Variants in ATP6V0D2 observed in about 807,000 individuals in gnomAD.
The protein encoded by ATP6V0D2 is ATPase H+ transporting V0 subunit d2.
Under a neutral mutation model 40.0 loss-of-function variants are expected in ATP6V0D2, and 40 were observed. That is an observed-to-expected ratio of 1.00 (90% CI 0.78 to 1.30). The LOEUF is 1.30. ATP6V0D2 is among the 50% of genes most tolerant of loss of function. The pLI is 0.00. For missense variants in ATP6V0D2, 470 were observed against 423.1 expected, an observed-to-expected ratio of 1.11 and a Z score of -0.97; for synonymous variants, 179 against 156.3, an observed-to-expected ratio of 1.15 and a Z score of -1.08.
At chr8:86,120,594 C>T (rs1818656641) in intron 2 of ATP6V0D2, among the ~76,000 whole-genome samples, 1 of 152,098 alleles carries the variant, frequency 6.6e-6, no homozygotes, top group Non-Finnish European at 1.5e-5. Context: ...GTCAAGGCTG[C>T]ATTCTTCCAT....
At chr8:86,133,453 GC>G (rs1818854479) in intron 2 of ATP6V0D2, among the ~76,000 whole-genome samples, 1 of 149,472 alleles carries the variant, frequency 6.7e-6, no homozygotes, top group Non-Finnish European at 1.5e-5. Flanking sequence ...CTCCCGAGTA[GC>G]TAGGACTACA....
intron 1 of ATP6V0D2, among the ~76,000 whole-genome samples, chr8:86,105,074 C>G (rs138815620): frequency 6.6e-6 from 1 of 151,936 alleles, no homozygotes; most frequent in East Asian, 1.9e-4. Flanking sequence ...CCTCTGTAAG[C>G]CCCTTCCTAC....
At chr8:86,151,751 C>CTTTTTT (rs1563568384) in intron 7 of ATP6V0D2, among the ~76,000 whole-genome samples, 1 of 89,054 alleles carries the variant, frequency 1.1e-5, no homozygotes, top group Non-Finnish European at 2.4e-5. Flanking sequence ...TGTAGCTTTT[C>CTTTTTT]TTTCTTTTTT....
At chr8:86,135,309 A>C (rs1185596304) in intron 2 of ATP6V0D2, among the ~76,000 whole-genome samples, 1 of 152,194 alleles carries the variant, frequency 6.6e-6, no homozygotes, top group Non-Finnish European at 1.5e-5. Context: ...CATACAGAAA[A>C]TATATTATAG....
Position 86,141,430 on chromosome 8 carries a change from A to G in ATP6V0D2, c.482-20A>G. On this transcript the variant is annotated intron_variant, in intron 3 of 7. Transcript: ENST00000285393. ...TCTTGCTTAAGATTCATTTTTTGGT[A>G]TGGCAATTTCTGCTTTCAGCTCCAT... The G allele has an allele frequency of 6.3e-7, 1 of 1,594,972 alleles. No individual in the cohort carries two copies. The highest frequency in any genetic ancestry group is 8.6e-7 in the Non-Finnish European group (1 of 1,166,964).
At chr8:86,121,578 AAGGAGG>A (rs562798784) in intron 2 of ATP6V0D2, among the ~76,000 whole-genome samples, 8,622 of 107,404 alleles carry the variant, frequency 0.08, 765 homozygotes, top group African/African-American at 0.24. Flanking sequence ...ATTTCAAAAG[AAGGAGG>A]AGGAGGAGGA....
intron 1 of ATP6V0D2, among the ~76,000 whole-genome samples, chr8:86,104,160 T>C (rs868701769): frequency 1.7e-4 from 26 of 152,118 alleles, no homozygotes; most frequent in Admixed American, 3.3e-4. Context: ...TAGCAAAAGA[T>C]GGAAACAAAT....
intron 2 of ATP6V0D2, among the ~76,000 whole-genome samples, chr8:86,123,263 A>T (rs1406640424): frequency 6.6e-6 from 1 of 152,246 alleles, no homozygotes; most frequent in Non-Finnish European, 1.5e-5. Context: ...CATACTTAAA[A>T]ATAAAGTGTC....
chr8:86,152,832 T>G lies in ATP6V0D2; in HGVS notation c.908T>G (p.Leu303Arg). ...TTTCCTCAGGTACAAATGAATGTGCTGGCATTCAACAGACAGTTCCACTAC... is the reference window on the plus strand; with the variant it reads ...TTTCCTCAGGTACAAATGAATGTGCGGGCATTCAACAGACAGTTCCACTAC... ...FYEREVQMNV[L>R]AFNRQFHYGV... Residue 303 changes from leucine to arginine, a missense_variant, in exon 8 of 8, where the codon CTG (leucine) becomes CGG (arginine). Leu to Arg is a moderately radical substitution (Grantham distance 102). Coordinates refer to ENST00000285393, the MANE Select transcript of ATP6V0D2 (RefSeq NM_152565.1). 3 of 1,595,044 alleles carry G rather than the reference T, an allele frequency of 1.9e-6. No individual in the cohort carries two copies. Among genetic ancestry groups the G allele is most frequent in the Non-Finnish European group, 2.6e-6 (3 of 1,174,630 alleles).
intron 2 of ATP6V0D2, among the ~76,000 whole-genome samples, chr8:86,116,223 G>A (rs1818590012): frequency 6.6e-6 from 1 of 152,012 alleles, no homozygotes; most frequent in Non-Finnish European, 1.5e-5. Flanking sequence ...AGTTTCTTAT[G>A]TGTTATTCCA....
chr8:86,119,247 T>TTTTTC (rs1818636761), intron 2 of ATP6V0D2, among the ~76,000 whole-genome samples: 1 of 150,838 alleles, frequency 6.6e-6, no homozygotes, highest in Non-Finnish European at 1.5e-5. Context: ...TTTTTTTTTT[T>TTTTTC]TTTGAGATGG....
At chr8:86,131,269 G>A (rs749518554) in intron 2 of ATP6V0D2, among the ~76,000 whole-genome samples, 43 of 151,848 alleles carry the variant, frequency 2.8e-4, no homozygotes, top group Non-Finnish European at 3.7e-4. Context: ...GTGCAATCTC[G>A]GCTCACTGCA....
chr8:86,120,919 A>G (rs547426759), intron 2 of ATP6V0D2, among the ~76,000 whole-genome samples: 67 of 152,156 alleles, frequency 4.4e-4, no homozygotes, highest in Non-Finnish European at 8.5e-4. Context: ...AAAACCACTC[A>G]TATTCTTGAC....
At chr8:86,128,755 G>A (rs971250837) in intron 2 of ATP6V0D2, among the ~76,000 whole-genome samples, 7 of 152,200 alleles carry the variant, frequency 4.6e-5, no homozygotes, top group South Asian at 4.1e-4. Context: ...GTGTAAATCA[G>A]ACTTGAGGGC....
intron 2 of ATP6V0D2, among the ~76,000 whole-genome samples, chr8:86,123,128 C>A (rs1316363091): frequency 1.3e-5 from 2 of 152,164 alleles, no homozygotes; most frequent in Admixed American, 1.3e-4. Context: ...TGGCCAAAGG[C>A]AGTTTGACAT....
At chr8:86,133,249 C>T (rs891496545) in intron 2 of ATP6V0D2, among the ~76,000 whole-genome samples, 2 of 150,692 alleles carry the variant, frequency 1.3e-5, no homozygotes, top group African/African-American at 4.9e-5. Flanking sequence ...TACAAAAATG[C>T]CCCCAAGGAA....
intron 2 of ATP6V0D2, 134 bp downstream of exon 2, chr8:86,114,014 A>G: frequency 1.2e-6 from 1 of 826,516 alleles, no homozygotes; most frequent in Non-Finnish European, 1.7e-6. Flanking sequence ...ATTCATTCAC[A>G]TTTTAGCAAC....
chr8:86,135,352 C>A (rs1263858943), intron 2 of ATP6V0D2, among the ~76,000 whole-genome samples: 1 of 152,096 alleles, frequency 6.6e-6, no homozygotes, highest in African/African-American at 2.4e-5. Flanking sequence ...AGCTAGGGAG[C>A]AGGAGGAGAA....
chr8:86,124,011 C>T lies in ATP6V0D2; in HGVS notation c.302+10131C>T, dbSNP rs1244367072. Among the ~76,000 whole-genome samples, 9 of 152,164 alleles carry T rather than the reference C, an allele frequency of 5.9e-5. No homozygotes were observed. The East Asian group carries it at 1.5e-3, about 26-fold the overall frequency. ...GCATAATATTTAATTTGTTGAATTC[C>T]AGTTTCAACAATCAAATTTCTAATA... On this transcript the variant is annotated intron_variant, in intron 2 of 7. Transcript: ENST00000285393.
Sources: gnomAD v4.1 joint callset for allele counts (sites outside exome capture counted in the v4.1 genomes callset) on GRCh38, gnomAD v4.1.1 for gene constraint, MANE v1.5 for transcripts, NCBI Gene and HGNC (gene_info 2026-07-23, HGNC 2026-07-21) for gene names.